Variants in ATG13 observed in about 807,000 individuals in gnomAD.
The protein encoded by ATG13 is autophagy-related protein 13.
A neutral mutation model predicts 65.5 loss-of-function variants in ATG13; 23 were observed. The observed-to-expected ratio is 0.35, with a 90% CI of 0.25 to 0.50. ATG13 has a LOEUF of 0.50. Among genes scored for constraint, ATG13 ranks in the 20% least tolerant of loss-of-function variants. The probability of loss-of-function intolerance (pLI) is 0.98; values close to 1 mark genes in which losing one functional copy is unlikely to be tolerated. For missense variants in ATG13, 566 were observed against 677.0 expected (o/e 0.84, Z 1.82); for synonymous variants, 252 against 245.2 (o/e 1.03, Z -0.26).
rs780218676 is a variant in ATG13 at position 46,672,681 on chromosome 11, G to A, written c.*349G>A. Reference sequence around the variant, plus strand: ...TGCTGCCGGCCTCCTGCCTGGGCCTGCCTTGCAGCTGGCCCCTTCCCTGCC... The same window carrying A: ...TGCTGCCGGCCTCCTGCCTGGGCCTACCTTGCAGCTGGCCCCTTCCCTGCC... On this transcript the variant is annotated 3_prime_UTR_variant, in exon 19 of 19. Coordinates refer to ENST00000683050, the MANE Select transcript of ATG13 (RefSeq NM_001346311.2). The A allele has an allele frequency of 7.3e-7, 1 of 1,370,842 alleles. No individual in the cohort carries two copies. Among genetic ancestry groups the A allele is most frequent in the South Asian group, 1.1e-5 (1 of 88,076 alleles). 84.9% of individuals were successfully genotyped at this position (1,370,842 alleles called of 1,614,324 possible). A position where few individuals can be genotyped will look rare whatever the true frequency, so the allele number is the denominator to read the frequency against.
At chr11:46,639,218 C>T (rs1472166708) in intron 2 of ATG13, among the ~76,000 whole-genome samples, 1 of 152,162 alleles carries the variant, frequency 6.6e-6, no homozygotes, top group Non-Finnish European at 1.5e-5. Flanking sequence ...GAACTCCTGA[C>T]CTCATGATCC....
At chr11:46,669,075 TAAAC>T (rs1298350329) in intron 17 of ATG13, among the ~76,000 whole-genome samples, 165 bp downstream of exon 17, 1 of 152,202 alleles carries the variant, frequency 6.6e-6, no homozygotes, top group African/African-American at 2.4e-5. Flanking sequence ...TGGAGGCCGA[TAAAC>T]AACAAGGCAT....
At position 46,634,318 on chromosome 11, in the gene ATG13, G is replaced by A. The variant is rs149913270; in HGVS notation, c.-14+4218G>A. Among the ~76,000 whole-genome samples the A allele has an allele frequency of 5.8e-3, 879 of 151,622 alleles. 9 individuals carry two copies. The highest frequency in any genetic ancestry group is 0.014 in the African/African-American group (563 of 41,290). On this transcript the variant is annotated intron_variant, in intron 2 of 18. Transcript: ENST00000683050. Reference sequence around the variant, plus strand: ...TTTCACCATGTTGGCCAGGATGGTCGCGATCTCCTGATCTTGTGATCCACC... The same window carrying A: ...TTTCACCATGTTGGCCAGGATGGTCACGATCTCCTGATCTTGTGATCCACC...
At chr11:46,623,350 G>A (rs1428853210) in intron 1 of ATG13, among the ~76,000 whole-genome samples, 1 of 152,158 alleles carries the variant, frequency 6.6e-6, no homozygotes, top group African/African-American at 2.4e-5. Context: ...CCTAATTTTA[G>A]AAGACATTTA....
intron 12 of ATG13, among the ~76,000 whole-genome samples, chr11:46,664,504 C>T (rs2061857300): frequency 6.6e-6 from 1 of 152,190 alleles, no homozygotes; most frequent in South Asian, 2.1e-4. Flanking sequence ...CTGGTGACTT[C>T]GGCTACCAGT....
At chr11:46,633,003 A>AATAT (rs1184181156) in intron 2 of ATG13, among the ~76,000 whole-genome samples, 50 of 89,142 alleles carry the variant, frequency 5.6e-4, no homozygotes, top group South Asian at 3.5e-3. Context: ...ATTAAAAAAA[A>AATAT]ATATATATAT....
At position 46,659,812 on chromosome 11, in the gene ATG13, C is replaced by G. The variant is rs2136832941; in HGVS notation, c.789+327C>G. 2 of 197,910 alleles carry G rather than the reference C, an allele frequency of 1.0e-5. 1 individual carries two copies. Among genetic ancestry groups the G allele is most frequent in the South Asian group, 2.7e-4 (2 of 7,404 alleles). 12.3% of individuals were successfully genotyped at this position (197,910 alleles called of 1,614,324 possible). On this transcript the variant is annotated intron_variant, in intron 11 of 18. Transcript: ENST00000683050. The stretch of plus-strand genomic sequence containing the variant: ...ACTTGTTAACTTCATAGCTACTTCT[C>G]TATTGAGTGGTAAATTTCATTTCTA...
chr11:46,637,174 A>C (rs1484458120), intron 2 of ATG13, among the ~76,000 whole-genome samples: 1 of 152,210 alleles, frequency 6.6e-6, no homozygotes, highest in Non-Finnish European at 1.5e-5. Context: ...GTTTTACCAT[A>C]CATAAGTGTG....
chr11:46,657,502 G>A (rs759057938), intron 9 of ATG13, 22 bp from the exon 10 acceptor site: 12 of 1,602,176 alleles, frequency 7.5e-6, no homozygotes, highest in Non-Finnish European at 1.0e-5. Flanking sequence ...ACAAATACTG[G>A]AATCTGCTTA....
chr11:46,622,094 TA>T (rs1565397525), intron 1 of ATG13, among the ~76,000 whole-genome samples: 3 of 54,094 alleles, frequency 5.5e-5, no homozygotes, highest in African/African-American at 3.0e-4. Flanking sequence ...TATATATATA[TA>T]TATATATATA....
chr11:46,634,023 A>G (rs910876280), intron 2 of ATG13, among the ~76,000 whole-genome samples: 47 of 152,294 alleles, frequency 3.1e-4, no homozygotes, highest in Non-Finnish European at 5.4e-4. Flanking sequence ...CTCTTTGCTG[A>G]AAGTGTCAGC....
At chr11:46,627,937 TA>T (rs1311399998) in intron 1 of ATG13, among the ~76,000 whole-genome samples, 1 of 151,824 alleles carries the variant, frequency 6.6e-6, no homozygotes, top group Non-Finnish European at 1.5e-5. Flanking sequence ...TACAAAAAAT[TA>T]GCTGGGTGTG....
intron 5 of ATG13, among the ~76,000 whole-genome samples, chr11:46,647,527 G>A (rs1228098106): frequency 6.6e-6 from 1 of 151,720 alleles, no homozygotes; most frequent in African/African-American, 2.4e-5. Context: ...ATCCACCTGC[G>A]TGGGCCTCCC....
chr11:46,619,643 C>T (rs1246360675), intron 1 of ATG13, among the ~76,000 whole-genome samples: 2 of 151,900 alleles, frequency 1.3e-5, no homozygotes, highest in African/African-American at 2.4e-5. Flanking sequence ...CCGCCTTGGC[C>T]TCCCAAAGTG....
intron 1 of ATG13, among the ~76,000 whole-genome samples, chr11:46,627,446 A>G (rs997543489): frequency 6.6e-6 from 1 of 152,020 alleles, no homozygotes; most frequent in East Asian, 1.9e-4. Context: ...TCCAAAACCT[A>G]CATGTTCTCG....
At chr11:46,630,308 C>G (rs2051236984) in intron 2 of ATG13, among the ~76,000 whole-genome samples, 1 of 152,102 alleles carries the variant, frequency 6.6e-6, no homozygotes, top group African/African-American at 2.4e-5. Flanking sequence ...GAAGTTGGAA[C>G]AGGAAGTGAA....
chr11:46,618,388 G>T (rs1233156481), intron 1 of ATG13: 1 of 152,412 alleles, frequency 6.6e-6, no homozygotes, highest in African/African-American at 2.4e-5. Context: ...AAGTGGCTAA[G>T]CACCTTCTTG....
intron 6 of ATG13, among the ~76,000 whole-genome samples, chr11:46,649,871 T>C (rs908109725): frequency 1.3e-5 from 2 of 152,206 alleles, no homozygotes; most frequent in Non-Finnish European, 2.9e-5. Flanking sequence ...GGATAGTACA[T>C]GTTTGCACCT....
intron 1 of ATG13, among the ~76,000 whole-genome samples, chr11:46,624,506 T>G: frequency 6.6e-6 from 1 of 152,102 alleles, no homozygotes; most frequent in Admixed American, 6.6e-5. Flanking sequence ...TTTTTTGTTC[T>G]TTTATAACAC....
Sources: gnomAD v4.1 joint callset for allele counts (sites outside exome capture counted in the v4.1 genomes callset) on GRCh38, gnomAD v4.1.1 for gene constraint, MANE v1.5 for transcripts, NCBI Gene and HGNC (gene_info 2026-07-23, HGNC 2026-07-21) for gene names.